The following CNTN4 variants were observed in gnomAD, a reference collection of about 807,000 sequenced individuals.
The protein encoded by CNTN4 is contactin-4.
Under a neutral mutation model 122.5 loss-of-function variants are expected in CNTN4, and 77 were observed. The ratio of observed to expected loss-of-function variants is 0.63; its 90% CI spans 0.52 to 0.76. The LOEUF (loss-of-function observed/expected upper bound fraction) is 0.76. CNTN4 is among the 30% of genes least tolerant of loss of function. CNTN4 has a pLI of 0.00. For synonymous variants in CNTN4, 512 were observed against 447.0 expected, an observed-to-expected ratio of 1.15 and a Z score of -1.83; for missense variants, 1,256 against 1,259.1, an observed-to-expected ratio of 1.00 and a Z score of 0.04.
At chr3:2,718,156 A>G (rs2087613472) in intron 4 of CNTN4, among the ~76,000 whole-genome samples, 1 of 152,144 alleles carries the variant, frequency 6.6e-6, no homozygotes, top group Non-Finnish European at 1.5e-5. Flanking sequence ...TTTTTAATCA[A>G]TGATCCTTCA....
intron 3 of CNTN4, among the ~76,000 whole-genome samples, chr3:2,351,356 C>T (rs2044610772): frequency 6.6e-6 from 1 of 152,186 alleles, no homozygotes; most frequent in African/African-American, 2.4e-5. Context: ...CACAGATTCA[C>T]ACAAAACCAA....
intron 2 of CNTN4, among the ~76,000 whole-genome samples, chr3:2,146,356 CTA>C (rs2035248101): frequency 6.6e-6 from 1 of 151,004 alleles, no homozygotes; most frequent in African/African-American, 2.4e-5. Flanking sequence ...AGTAATATCT[CTA>C]TGTTGTAGAT....
chr3:2,437,085 G>A (rs2048283260), intron 3 of CNTN4, among the ~76,000 whole-genome samples: 1 of 151,932 alleles, frequency 6.6e-6, no homozygotes, highest in African/African-American at 2.4e-5. Context: ...ATTGTGTTAA[G>A]TGTTTCTTCA....
chr3:2,247,845 A>G (rs1021933969), intron 2 of CNTN4, among the ~76,000 whole-genome samples: 1 of 151,932 alleles, frequency 6.6e-6, no homozygotes, highest in Non-Finnish European at 1.5e-5. Flanking sequence ...GTCATCAAAG[A>G]ACTTTCGTAT....
chr3:2,504,906 A>G (rs1043507828), intron 3 of CNTN4, among the ~76,000 whole-genome samples: 1 of 152,194 alleles, frequency 6.6e-6, no homozygotes, highest in Non-Finnish European at 1.5e-5. Flanking sequence ...TGTTCTCTAT[A>G]AAAGGAAGGT....
At chr3:2,924,885 G>A (rs899688458) in intron 12 of CNTN4, among the ~76,000 whole-genome samples, 1 of 152,148 alleles carries the variant, frequency 6.6e-6, no homozygotes, top group African/African-American at 2.4e-5. Flanking sequence ...AGAGTGCTAT[G>A]GGACAAAGCA....
chr3:3,012,984 A>AT lies in CNTN4; in HGVS notation c.1487-13118_1487-13117insT, dbSNP rs571730171. 1.3e-3 allele frequency among the ~76,000 whole-genome samples: 192 copies of AT among 152,114 alleles called. 1 individual carries two copies. The highest frequency in any genetic ancestry group is 4.5e-3 in the African/African-American group (189 of 41,540). On this transcript the variant is annotated intron_variant, in intron 14 of 24. Transcript: ENST00000418658. ...ATTCCATCTAAAAAATAAAAAAATA[A>AT]AAAAAACCCTTTGTATTAATTCACC...
At chr3:2,884,741 G>T (rs1258747148) in intron 9 of CNTN4, among the ~76,000 whole-genome samples, 2 of 152,168 alleles carry the variant, frequency 1.3e-5, no homozygotes, top group Non-Finnish European at 2.9e-5. Flanking sequence ...AAAATCATCT[G>T]TGAAAAAGAG....
chr3:2,759,670 A>G (rs984180095), intron 6 of CNTN4, among the ~76,000 whole-genome samples: 1 of 151,046 alleles, frequency 6.6e-6, no homozygotes, highest in Non-Finnish European at 1.5e-5. Context: ...GAGTTACTGT[A>G]TGTTTAACAT....
At chr3:2,705,769 T>A (rs1195733750) in intron 4 of CNTN4, among the ~76,000 whole-genome samples, 1 of 100,848 alleles carries the variant, frequency 9.9e-6, no homozygotes, top group Non-Finnish European at 1.8e-5. Flanking sequence ...TAATATATAT[T>A]TATTATATAT....
chr3:2,925,790 G>T lies in CNTN4; in HGVS notation c.1358+11G>T, dbSNP rs755756214. 4.4e-6 allele frequency: 7 copies of T among 1,605,970 alleles called. No homozygotes were observed. The South Asian group carries it at 7.7e-5, about 18-fold the overall frequency. Reference sequence around the variant, plus strand: ...AAAAGAAAATGAAAGGTACTGTCTTGAATTATTTTCAATATTTGGTTAACC... The same window carrying T: ...AAAAGAAAATGAAAGGTACTGTCTTTAATTATTTTCAATATTTGGTTAACC... On this transcript the variant is annotated intron_variant, in intron 13 of 24. Transcript: ENST00000418658.
intron 3 of CNTN4, among the ~76,000 whole-genome samples, chr3:2,512,281 A>G (rs1370022164): frequency 2.0e-5 from 3 of 152,030 alleles, no homozygotes; most frequent in Non-Finnish European, 4.4e-5. Flanking sequence ...TTTTTATGAG[A>G]CAGTACATAA....
At position 2,835,393 on chromosome 3, in the gene CNTN4, A is replaced by T. The variant is rs185602856; in HGVS notation, c.454+15812A>T. ...CAAGTCAATAAAAATAAGCATATAA[A>T]GAATTTGAATAATGTAATAATGATT... On this transcript the variant is annotated intron_variant, in intron 7 of 24. Transcript: ENST00000418658. Among the ~76,000 whole-genome samples, 163 of 152,316 alleles carry T rather than the reference A, an allele frequency of 1.1e-3. 2 individuals carry two copies. The highest frequency in any genetic ancestry group is 3.9e-3 in the African/African-American group (161 of 41,576).
intron 23 of CNTN4, among the ~76,000 whole-genome samples, chr3:3,044,802 A>G (rs953528984): frequency 1.3e-5 from 2 of 152,222 alleles, no homozygotes; most frequent in African/African-American, 4.8e-5. Flanking sequence ...AAGCTGAAGC[A>G]GGGCGAGGCA....
intron 4 of CNTN4, among the ~76,000 whole-genome samples, chr3:2,668,334 A>G (rs556452191): frequency 6.6e-6 from 1 of 152,126 alleles, no homozygotes; most frequent in African/African-American, 2.4e-5. Flanking sequence ...ATTCCTAGCT[A>G]TTTTATTCTC....
intron 2 of CNTN4, among the ~76,000 whole-genome samples, chr3:2,116,251 A>T (rs566618475): frequency 1.3e-5 from 2 of 152,302 alleles, no homozygotes; most frequent in African/African-American, 2.4e-5. Flanking sequence ...ACAGAAAATA[A>T]TCATAGACCA....
chr3:2,911,577 A>C (rs1001621382), intron 12 of CNTN4, among the ~76,000 whole-genome samples: 1 of 152,226 alleles, frequency 6.6e-6, no homozygotes, highest in African/African-American at 2.4e-5. Flanking sequence ...ATATCTACAG[A>C]AATCAACCCT....
In CNTN4 at chr3:2,378,912, C is replaced by A. The variant is rs531009797; in HGVS notation, c.-89+39679C>A. On this transcript the variant is annotated intron_variant, in intron 3 of 24. Transcript: ENST00000418658. ...GAATGTAATACCAATACCAATATCA[C>A]TATCAATTAGAGGATTATACCATAG... 6.6e-5 allele frequency among the ~76,000 whole-genome samples: 10 copies of A among 152,208 alleles called. No homozygotes were observed. In the East Asian group the frequency reaches 1.9e-3, roughly 29 times the overall value.
In CNTN4 at chr3:2,951,535, C is replaced by A. The variant is rs188840620; in HGVS notation, c.1358+25756C>A. On this transcript the variant is annotated intron_variant, in intron 13 of 24. Coordinates refer to ENST00000418658, the MANE Select transcript of CNTN4 (RefSeq NM_175607.3). ...TGTCTGCAGCCTGGGGGTTGGGGAC[C>A]CCTGTTCTAGACTACTGTGTAAATT... Among the ~76,000 whole-genome samples the A allele has an allele frequency of 2.0e-5, 3 of 152,250 alleles. No homozygotes were observed. In the South Asian group the frequency reaches 6.2e-4, roughly 32 times the overall value.
Sources: gnomAD v4.1 joint callset for allele counts (sites outside exome capture counted in the v4.1 genomes callset) on GRCh38, gnomAD v4.1.1 for gene constraint, MANE v1.5 for transcripts, NCBI Gene and HGNC (gene_info 2026-07-23, HGNC 2026-07-21) for gene names.